The following PSMA3 variants were observed in gnomAD, a reference collection of about 807,000 sequenced individuals.
PSMA3 encodes proteasome 20S subunit alpha 3, also known as proteasome subunit alpha type-3.
In PSMA3, 8 loss-of-function variants were observed where a neutral mutation model predicts 40.0. That is an observed-to-expected ratio of 0.20 (90% CI 0.12 to 0.36). The LOEUF is 0.36. Ranked by LOEUF, PSMA3 falls within the 10% of genes least tolerant of loss-of-function variation. PSMA3 has a pLI of 1.00. For synonymous variants in PSMA3, 110 were observed against 100.0 expected (o/e 1.10, Z -0.59); for missense variants, 219 against 310.6 (o/e 0.70, Z 2.22).
chr14:58,267,662 A>C (rs368811538), intron 8 of PSMA3, 142 bp downstream of exon 8: 1 of 1,248,660 alleles, frequency 8.0e-7, no homozygotes, highest in Non-Finnish European at 1.0e-6. Context: ...CATTCTAAGA[A>C]GCCTCACGAA....
chr14:58,271,107 TA>T (rs775816230), intron 10 of PSMA3, 109 bp downstream of exon 10: 46,751 of 421,662 alleles, frequency 0.11, no homozygotes, highest in East Asian at 0.16. Context: ...ATCCCTAATT[TA>T]AAAAAAAAAA....
At chr14:58,251,254 C>T (rs1890003979) in intron 2 of PSMA3, among the ~76,000 whole-genome samples, 1 of 152,138 alleles carries the variant, frequency 6.6e-6, no homozygotes, top group Non-Finnish European at 1.5e-5. Flanking sequence ...CTTGAAATGG[C>T]AACAAGTAAT....
At chr14:58,245,272 G>A (rs1460726519) in intron 1 of PSMA3, 2 of 330,730 alleles carry the variant, frequency 6.0e-6, no homozygotes, top group Non-Finnish European at 1.2e-5. Flanking sequence ...TTGAAATAGT[G>A]TGTTCTCTTG....
At chr14:58,260,910 AT>A (rs778844507) in intron 5 of PSMA3, 37 bp from the exon 6 acceptor site, 1 of 1,401,968 alleles carries the variant, frequency 7.1e-7, no homozygotes, top group Non-Finnish European at 9.9e-7. Context: ...CTTTTATGTT[AT>A]TGCCATGGTT....
intron 7 of PSMA3, chr14:58,266,371 A>G (rs1467089035): frequency 1.3e-5 from 2 of 152,180 alleles, no homozygotes; most frequent in African/African-American, 4.8e-5. Context: ...ATCTTTCACT[A>G]TATTCCATCA....
intron 2 of PSMA3, among the ~76,000 whole-genome samples, chr14:58,251,337 G>A (rs149948103): frequency 1.3e-5 from 2 of 152,306 alleles, no homozygotes; most frequent in African/African-American, 4.8e-5. Flanking sequence ...ACAGACTGGT[G>A]TGCAGTGGTG....
intron 7 of PSMA3, chr14:58,266,928 A>T (rs1376471162): frequency 6.6e-6 from 1 of 152,180 alleles, no homozygotes; most frequent in Admixed American, 6.5e-5. Context: ...ATGGCTGTGG[A>T]TTTTTATAAT....
intron 7 of PSMA3, 97 bp downstream of exon 7, chr14:58,263,867 C>A: frequency 9.2e-7 from 1 of 1,090,478 alleles, no homozygotes; most frequent in Non-Finnish European, 1.4e-6. Context: ...GATGTCCAAT[C>A]ATTTGGCTTC....
intron 8 of PSMA3, chr14:58,268,897 G>A (rs527652247): frequency 2.6e-5 from 4 of 151,896 alleles, no homozygotes; most frequent in Admixed American, 1.3e-4. Flanking sequence ...TCAGTGCATA[G>A]TATTAGATAA....
intron 8 of PSMA3, 87 bp downstream of exon 8, chr14:58,267,607 TC>T (rs1890483163): frequency 1.5e-6 from 2 of 1,332,920 alleles, no homozygotes; most frequent in East Asian, 5.7e-5. Flanking sequence ...GAAGCTGTTT[TC>T]CTGTAAAATA....
rs562915169 is a variant in PSMA3 at position 58,255,237 on chromosome 14, T to C, written c.229-2508T>C. On this transcript the variant is annotated intron_variant, in intron 3 of 10. Transcript: ENST00000216455. Reference sequence around the variant, plus strand: ...GTGAAAAATATTTTTATTTAAAAATTAAAATGTTTTATTTTAAGCAACCAA... The same window carrying C: ...GTGAAAAATATTTTTATTTAAAAATCAAAATGTTTTATTTTAAGCAACCAA... Among the ~76,000 whole-genome samples, 3 of 152,264 alleles carry C rather than the reference T, an allele frequency of 2.0e-5. No individual in the cohort carries two copies. In the East Asian group the frequency reaches 5.8e-4, roughly 29 times the overall value.
intron 7 of PSMA3, chr14:58,265,427 A>C (rs988701703): frequency 6.6e-6 from 1 of 152,218 alleles, no homozygotes; most frequent in Non-Finnish European, 1.5e-5. Context: ...TTATGCTGTG[A>C]ATCAGGTGTT....
intron 6 of PSMA3, among the ~76,000 whole-genome samples, chr14:58,262,627 AT>A (rs1451431018): frequency 6.7e-6 from 1 of 150,248 alleles, no homozygotes; most frequent in African/African-American, 2.5e-5. Flanking sequence ...CAGTGGTGCA[AT>A]CTTGGCTCAC....
chr14:58,263,882 G>C (rs979486434), intron 7 of PSMA3, 112 bp downstream of exon 7: 7 of 903,150 alleles, frequency 7.8e-6, no homozygotes, highest in Non-Finnish European at 1.3e-5. Context: ...GGCTTCCCTG[G>C]GCCACACATA....
intron 10 of PSMA3, among the ~76,000 whole-genome samples, chr14:58,271,480 C>T (rs1479022902): frequency 6.6e-6 from 1 of 151,948 alleles, no homozygotes; most frequent in Non-Finnish European, 1.5e-5. Context: ...CAGGAACATG[C>T]CACCATACCT....
chr14:58,257,293 C>T (rs1003384414), intron 3 of PSMA3, among the ~76,000 whole-genome samples: 1 of 151,872 alleles, frequency 6.6e-6, no homozygotes, highest in South Asian at 2.1e-4. Context: ...GTCAGGAGAT[C>T]AAGACCGTCC....
chr14:58,264,066 G>GA (rs1347894717), intron 7 of PSMA3, among the ~76,000 whole-genome samples: 1 of 152,142 alleles, frequency 6.6e-6, no homozygotes, highest in Non-Finnish European at 1.5e-5. Flanking sequence ...TCACTGAATG[G>GA]GAAAGCTGGT....
chr14:58,267,424 C>G, intron 7 of PSMA3, 50 bp from the exon 8 acceptor site: 1 of 1,422,554 alleles, frequency 7.0e-7, no homozygotes, highest in Non-Finnish European at 9.2e-7. Flanking sequence ...AGTTATTACA[C>G]AAGTGGAAAA....
intron 6 of PSMA3, among the ~76,000 whole-genome samples, chr14:58,261,563 A>T (rs1399131336): frequency 6.6e-6 from 1 of 152,160 alleles, no homozygotes; most frequent in Non-Finnish European, 1.5e-5. Flanking sequence ...TATAGTGCAT[A>T]TAGTATTTTG....
Sources: gnomAD v4.1 joint callset for allele counts (sites outside exome capture counted in the v4.1 genomes callset) on GRCh38, gnomAD v4.1.1 for gene constraint, MANE v1.5 for transcripts, NCBI Gene and HGNC (gene_info 2026-07-23, HGNC 2026-07-21) for gene names.